CHODL: variants seen among roughly 807,000 people sequenced by gnomAD.
CHODL encodes transmembrane protein MT75.
Under a neutral mutation model 34.5 loss-of-function variants are expected in CHODL, and 29 were observed. That is an observed-to-expected ratio of 0.84 (90% confidence interval 0.63 to 1.15). CHODL has a LOEUF of 1.15. CHODL is among the 50% of genes most tolerant of loss of function. The pLI is 0.00. For missense variants in CHODL, 332 were observed against 332.5 expected (o/e 1.00, Z 0.01); for synonymous variants, 125 against 116.1 (o/e 1.08, Z -0.49).
At chr21:18,210,310 C>T (rs2073759053) in intron 2 of CHODL, among the ~76,000 whole-genome samples, 1 of 152,202 alleles carries the variant, frequency 6.6e-6, no homozygotes, top group Non-Finnish European at 1.5e-5. Flanking sequence ...ACGGCACTTC[C>T]CCTCCCCGAT....
At chr21:18,148,884 CA>C (rs11285949) in intron 2 of CHODL, among the ~76,000 whole-genome samples, 99,229 of 139,918 alleles carry the variant, frequency 0.71, 35,016 homozygotes, top group Middle Eastern at 0.81. Context: ...TATTGGCTGT[CA>C]AAAAAAAAAA....
At chr21:18,137,725 C>T (rs1342675719) in intron 2 of CHODL, among the ~76,000 whole-genome samples, 1 of 152,128 alleles carries the variant, frequency 6.6e-6, no homozygotes, top group East Asian at 1.9e-4. Flanking sequence ...AAAATAACAA[C>T]GATGGTATAT....
At chr21:17,958,291 T>G (rs951980874) in intron 1 of CHODL, among the ~76,000 whole-genome samples, 2 of 152,164 alleles carry the variant, frequency 1.3e-5, no homozygotes, top group Non-Finnish European at 2.9e-5. Flanking sequence ...TATTTTATGT[T>G]TTTTGCCTTT....
At chr21:17,917,356 T>C (rs1281500165) in exon 1 of CHODL, 2 of 152,520 alleles carry the variant, frequency 1.3e-5, no homozygotes, top group Admixed American at 6.5e-5. Flanking sequence ...AGATGGCAGA[T>C]CGTGGGACTT....
chr21:18,074,489 C>G (rs1021908906), intron 2 of CHODL, among the ~76,000 whole-genome samples: 1 of 152,036 alleles, frequency 6.6e-6, no homozygotes, highest in African/African-American at 2.4e-5. Flanking sequence ...ACATACATAT[C>G]GAGACATTGC....
At chr21:18,220,764 G>T (rs932745229) in intron 2 of CHODL, among the ~76,000 whole-genome samples, 4 of 151,452 alleles carry the variant, frequency 2.6e-5, no homozygotes, top group African/African-American at 4.9e-5. Context: ...TCTGTGATTA[G>T]TCTGATGATA....
intron 1 of CHODL, among the ~76,000 whole-genome samples, chr21:18,022,709 A>T (rs1329503831): frequency 1.3e-5 from 2 of 152,102 alleles, no homozygotes; most frequent in African/African-American, 4.8e-5. Context: ...CCATTATTTC[A>T]CTCTTATTCC....
At chr21:18,242,034 G>A (rs1268736984), upstream of CHODL, among the ~76,000 whole-genome samples, 1 of 151,788 alleles carries the variant, frequency 6.6e-6, no homozygotes, top group African/African-American at 2.4e-5. Flanking sequence ...TTAACTTGTG[G>A]GGGACCTCTC....
At chr21:17,965,775 T>G (rs2063567328) in intron 1 of CHODL, among the ~76,000 whole-genome samples, 1 of 152,068 alleles carries the variant, frequency 6.6e-6, no homozygotes, top group African/African-American at 2.4e-5. Flanking sequence ...GGAAAAAGAA[T>G]GAATGCATAG....
intron 1 of CHODL, among the ~76,000 whole-genome samples, chr21:17,962,917 A>T (rs2063542432): frequency 6.6e-6 from 1 of 151,998 alleles, no homozygotes. Flanking sequence ...CAAAAAAATT[A>T]GCCAGGCGTG....
At chr21:18,068,516 T>A (rs1011734984) in intron 2 of CHODL, among the ~76,000 whole-genome samples, 2 of 152,048 alleles carry the variant, frequency 1.3e-5, no homozygotes, top group African/African-American at 4.8e-5. Flanking sequence ...CTTCTTTAAA[T>A]CTCTAAAATT....
intron 1 of CHODL, among the ~76,000 whole-genome samples, chr21:17,992,208 T>G (rs930702650): frequency 6.6e-6 from 1 of 152,192 alleles, no homozygotes; most frequent in African/African-American, 2.4e-5. Context: ...ACCAATACCA[T>G]GCTGTTTTGG....
At chr21:17,937,602 C>T (rs1405125462) in intron 1 of CHODL, among the ~76,000 whole-genome samples, 7 of 152,172 alleles carry the variant, frequency 4.6e-5, no homozygotes, top group Non-Finnish European at 8.8e-5. Flanking sequence ...TTTTATATTC[C>T]TGTGGTTCTG....
intron 2 of CHODL, among the ~76,000 whole-genome samples, chr21:18,150,618 G>C (rs1045909018): frequency 1.3e-5 from 2 of 152,078 alleles, no homozygotes; most frequent in African/African-American, 4.8e-5. Context: ...TAAGGGCACT[G>C]CTCCCATTCA....
intron 1 of CHODL, among the ~76,000 whole-genome samples, chr21:18,011,859 C>T (rs2064022661): frequency 6.6e-6 from 1 of 152,212 alleles, no homozygotes; most frequent in Non-Finnish European, 1.5e-5. Flanking sequence ...TTGTGTACTG[C>T]AGAGTATTCT....
intron 2 of CHODL, among the ~76,000 whole-genome samples, chr21:18,117,670 A>G (rs1486297156): frequency 1.3e-5 from 2 of 151,984 alleles, no homozygotes; most frequent in Admixed American, 1.3e-4. Context: ...AGTTATTGTC[A>G]TTGTGACTTT....
intron 1 of CHODL, among the ~76,000 whole-genome samples, chr21:18,010,218 AC>A (rs1454600386): frequency 7.6e-6 from 1 of 131,308 alleles, no homozygotes; most frequent in African/African-American, 2.8e-5. Flanking sequence ...AATGGCGGGA[AC>A]CCGGGAGGTG....
chr21:17,950,396 A>C (rs921138555), intron 1 of CHODL, among the ~76,000 whole-genome samples: 1 of 151,986 alleles, frequency 6.6e-6, no homozygotes, highest in Non-Finnish European at 1.5e-5. Context: ...AGAGAGAAAA[A>C]AAATAGACAT....
At position 18,122,056 on chromosome 21, in the gene CHODL, C is replaced by T. The variant is rs2065486228; in HGVS notation, c.-45+94085C>T. 1.3e-5 allele frequency among the ~76,000 whole-genome samples: 2 copies of T among 152,126 alleles called. 1 individual carries two copies. Among genetic ancestry groups the T allele is most frequent in the South Asian group, 4.1e-4 (2 of 4,828 alleles). On this transcript the variant is annotated intron_variant, in intron 2 of 6. Coordinates refer to the CHODL transcript ENST00000400127. ...GTGAATTATAGCCCCTAAAGAGCAA[C>T]TATACTCTTAAATTTTCTAAAAATG...
Sources: allele counts gnomAD v4.1 joint callset (sites outside exome capture counted in the v4.1 genomes callset), GRCh38; gene constraint gnomAD v4.1.1; transcripts MANE v1.5; gene names NCBI Gene and HGNC (gene_info 2026-07-23, HGNC 2026-07-21).